SAMD12: variants seen among roughly 807,000 people sequenced by gnomAD.
SAMD12 encodes the protein sterile alpha motif domain containing 12, also known as sterile alpha motif domain-containing protein 12.
SAMD12 carries 9 observed loss-of-function variants against 15.0 expected under a neutral mutation model. That is an observed-to-expected ratio of 0.60 (90% CI 0.36 to 1.05). SAMD12 has a LOEUF of 1.05. SAMD12 is among the 50% of genes least tolerant of loss of function. The pLI, the probability that SAMD12 is intolerant of heterozygous loss-of-function variation, is 0.01. For missense variants in SAMD12, 230 were observed against 234.2 expected, an observed-to-expected ratio of 0.98 and a Z score of 0.12; for synonymous variants, 86 against 90.1, an observed-to-expected ratio of 0.96 and a Z score of 0.25.
chr8:118,494,771 A>G (rs1006046899), intron 2 of SAMD12, among the ~76,000 whole-genome samples: 11 of 152,248 alleles, frequency 7.2e-5, no homozygotes, highest in East Asian at 3.9e-4. Context: ...GTACTTGTCT[A>G]TCTATTCTAC....
In SAMD12 at chr8:118,533,727, T is replaced by C. The variant is rs184777085; in HGVS notation, c.192+46988A>G. On this transcript the variant is annotated intron_variant, in intron 2 of 3. Transcript: ENST00000314727. ...CTTTGTCTCTTTTGATCTTTGTTGG[T>C]TTAAAGTCTGTTTTATCAGAGACTA... 2.6e-3 allele frequency among the ~76,000 whole-genome samples: 390 copies of C among 152,326 alleles called. 4 individuals are homozygous for C. The highest frequency in any genetic ancestry group is 9.2e-3 in the African/African-American group (382 of 41,582).
intron 2 of SAMD12, among the ~76,000 whole-genome samples, chr8:118,459,018 T>C (rs1231030290): frequency 1.3e-5 from 2 of 151,720 alleles, no homozygotes; most frequent in African/African-American, 4.8e-5. Context: ...TTTTACAACG[T>C]TAATATATTG....
chr8:118,219,959 G>C (rs1326488735), intron 4 of SAMD12, among the ~76,000 whole-genome samples: 1 of 152,242 alleles, frequency 6.6e-6, no homozygotes, highest in Middle Eastern at 3.2e-3. Flanking sequence ...TCATTACACA[G>C]TAATGGATGA....
the SAMD12 span, among the ~76,000 whole-genome samples, chr8:118,171,442 T>C: frequency 3.3e-5 from 5 of 152,182 alleles, no homozygotes; most frequent in African/African-American, 9.7e-5. Context: ...CAAAAGTCCA[T>C]CAACTGATGA....
chr8:118,435,981 T>G (rs13265657), intron 3 of SAMD12, among the ~76,000 whole-genome samples: 67,323 of 152,010 alleles, frequency 0.44, 17,284 homozygotes, highest in South Asian at 0.58. Context: ...ACTGAACCTC[T>G]GTGGAACAGA....
intron 2 of SAMD12, among the ~76,000 whole-genome samples, chr8:118,522,451 G>C (rs186812209): frequency 6.6e-6 from 1 of 152,244 alleles, no homozygotes; most frequent in East Asian, 1.9e-4. Flanking sequence ...CACACAGAAA[G>C]ACCGATGCAA....
intron 2 of SAMD12, among the ~76,000 whole-genome samples, chr8:118,445,355 G>A (rs149205828): frequency 4.3e-4 from 66 of 152,210 alleles, no homozygotes; most frequent in African/African-American, 1.5e-3. Context: ...GGAAAGAGGT[G>A]GTTAGAAAAT....
intron 4 of SAMD12, among the ~76,000 whole-genome samples, chr8:118,346,017 C>G (rs1170883592): frequency 6.6e-6 from 1 of 152,206 alleles, no homozygotes. Context: ...CAGCAGCCTA[C>G]TTGCTCTCTG....
chr8:118,550,211 C>T (rs1392115767), intron 2 of SAMD12, among the ~76,000 whole-genome samples: 1 of 152,098 alleles, frequency 6.6e-6, no homozygotes, highest in Admixed American at 6.6e-5. Flanking sequence ...AGAGCAACTC[C>T]AAGACACATA....
chr8:118,229,794 T>G (rs539053116), intron 4 of SAMD12, among the ~76,000 whole-genome samples: 1 of 152,220 alleles, frequency 6.6e-6, no homozygotes, highest in East Asian at 1.9e-4. Context: ...ATAAGAAGAC[T>G]TCCCCGGAAT....
At chr8:118,174,722 A>G in the SAMD12 span, among the ~76,000 whole-genome samples, 1 of 152,188 alleles carries the variant, frequency 6.6e-6, no homozygotes, top group Non-Finnish European at 1.5e-5. Flanking sequence ...TCCCCATTTT[A>G]TATGGATAAA....
At chr8:118,413,765 G>A (rs1821544965) in intron 3 of SAMD12, among the ~76,000 whole-genome samples, 1 of 152,126 alleles carries the variant, frequency 6.6e-6, no homozygotes, top group African/African-American at 2.4e-5. Flanking sequence ...AGTAAATATA[G>A]GAAGAAGGCA....
At chr8:118,484,944 G>A (rs750809636) in intron 2 of SAMD12, among the ~76,000 whole-genome samples, 2 of 152,106 alleles carry the variant, frequency 1.3e-5, no homozygotes, top group African/African-American at 2.4e-5. Flanking sequence ...ATCCTTGGTC[G>A]TATGCAGCTT....
chr8:118,158,680 T>G, the SAMD12 span, among the ~76,000 whole-genome samples: 8 of 152,160 alleles, frequency 5.3e-5, no homozygotes, highest in African/African-American at 1.9e-4. Flanking sequence ...GAGTGAGAAC[T>G]TATGGTGCAT....
intron 2 of SAMD12, among the ~76,000 whole-genome samples, chr8:118,535,047 GC>G (rs1825799379): frequency 7.7e-6 from 1 of 129,586 alleles, no homozygotes; most frequent in Admixed American, 8.3e-5. Flanking sequence ...AGAATTTTCA[GC>G]TTTTTGCTCT....
intron 4 of SAMD12, among the ~76,000 whole-genome samples, chr8:118,364,223 A>G (rs1434227786): frequency 6.6e-6 from 1 of 152,186 alleles, no homozygotes; most frequent in Non-Finnish European, 1.5e-5. Context: ...TGTGTAAAGT[A>G]ACTTGTTTAT....
intron 4 of SAMD12, among the ~76,000 whole-genome samples, chr8:118,338,116 T>G (rs1459291913): frequency 1.3e-5 from 2 of 152,194 alleles, no homozygotes; most frequent in African/African-American, 4.8e-5. Flanking sequence ...TAGATTTAAA[T>G]GTACTGAAAT....
chr8:118,320,792 TGTACCCTAGAACTTA>T (rs1816204882), intron 4 of SAMD12, among the ~76,000 whole-genome samples: 2 of 150,414 alleles, frequency 1.3e-5, no homozygotes, highest in African/African-American at 4.9e-5. Flanking sequence ...ATTGTGCACA[TGTACCCTAGAACTTA>T]AAGTATAATA....
chr8:118,191,833 G>GAC (rs1819409329), exon 5 of SAMD12: 1 of 125,984 alleles, frequency 7.9e-6, no homozygotes, highest in East Asian at 2.5e-4. Flanking sequence ...GAGAGAGAGA[G>GAC]AGAGAGAGAG....
Sources: gnomAD v4.1 joint callset for allele counts (sites outside exome capture counted in the v4.1 genomes callset) on GRCh38, gnomAD v4.1.1 for gene constraint, MANE v1.5 for transcripts, NCBI Gene and HGNC (gene_info 2026-07-23, HGNC 2026-07-21) for gene names.